VPS35L: variants seen among roughly 807,000 people sequenced by gnomAD.
VPS35L encodes the protein VPS35 endosomal protein sorting factor like, also known as VPS35 endosomal protein-sorting factor-like.
Under a neutral mutation model 133.0 loss-of-function variants are expected in VPS35L, and 83 were observed. That is an observed-to-expected ratio of 0.62 (90% CI 0.52 to 0.75). VPS35L has a LOEUF of 0.75. Ranked by LOEUF, VPS35L falls within the 30% of genes least tolerant of loss-of-function variation. The pLI, the probability that VPS35L is intolerant of heterozygous loss-of-function variation, is 0.00. For synonymous variants in VPS35L, 423 were observed against 449.9 expected (o/e 0.94, Z 0.76); for missense variants, 1,083 against 1,206.8 (o/e 0.90, Z 1.52).
At chr16:19,662,046 C>G (rs200733173) in intron 26 of VPS35L, among the ~76,000 whole-genome samples, 5 of 149,474 alleles carry the variant, frequency 3.3e-5, no homozygotes, top group Non-Finnish European at 4.4e-5. Flanking sequence ...TTAAAAAAAA[C>G]TTAAAAAATC....
intron 27 of VPS35L, among the ~76,000 whole-genome samples, chr16:19,677,536 G>A (rs1489664313): frequency 6.6e-6 from 1 of 152,204 alleles, no homozygotes; most frequent in Non-Finnish European, 1.5e-5. Flanking sequence ...ATGGGGAGAG[G>A]AGAGGGCATT....
intron 21 of VPS35L, 139 bp from the exon 22 acceptor site, chr16:19,642,257 A>G (rs1973810025): frequency 3.1e-6 from 2 of 638,550 alleles, no homozygotes; most frequent in African/African-American, 1.8e-5. Flanking sequence ...ATGGCTCGTT[A>G]CTGGTAAACT....
At chr16:19,663,669 C>CTTTTTTTTTTTTTTTTT (rs59826351) in intron 26 of VPS35L, among the ~76,000 whole-genome samples, 1 of 63,914 alleles carries the variant, frequency 1.6e-5, no homozygotes, top group East Asian at 5.0e-4. Flanking sequence ...GCAGTAATTT[C>CTTTTTTTTTTTTTTTTT]TTTTTTTTTT....
chr16:19,666,908 CTTTCTTTCTTT>C (rs1974692138), intron 26 of VPS35L, among the ~76,000 whole-genome samples: 3 of 82,768 alleles, frequency 3.6e-5, no homozygotes, highest in South Asian at 3.8e-4. Context: ...TTCTTTCTTT[CTTTCTTTCTTT>C]CTTTCTTTCT....
intron 24 of VPS35L, among the ~76,000 whole-genome samples, chr16:19,649,436 G>A (rs955187757): frequency 3.3e-5 from 5 of 152,192 alleles, no homozygotes; most frequent in East Asian, 3.9e-4. Context: ...CTTGCACAGC[G>A]ATTAAACTTG....
chr16:19,605,370 G>A (rs1972508461), intron 9 of VPS35L, among the ~76,000 whole-genome samples: 1 of 152,182 alleles, frequency 6.6e-6, no homozygotes, highest in South Asian at 2.1e-4. Flanking sequence ...CCATGTAGCA[G>A]CCCAAGTGCT....
chr16:19,656,675 C>T (rs568777051), intron 26 of VPS35L, among the ~76,000 whole-genome samples: 32 of 151,980 alleles, frequency 2.1e-4, no homozygotes, highest in Non-Finnish European at 4.0e-4. Context: ...CTTGGCCCAC[C>T]GGCACATAGT....
chr16:19,688,264 T>C (rs927473678), intron 28 of VPS35L, among the ~76,000 whole-genome samples: 3 of 152,102 alleles, frequency 2.0e-5, no homozygotes, highest in Non-Finnish European at 2.9e-5. Flanking sequence ...GCACAGGCCC[T>C]ACTGTGTTTC....
chr16:19,695,318 CA>C (rs1297575034), intron 29 of VPS35L, among the ~76,000 whole-genome samples: 2 of 152,144 alleles, frequency 1.3e-5, no homozygotes, highest in Non-Finnish European at 2.9e-5. Flanking sequence ...CCCAAGCTTG[CA>C]AGAAAAATAA....
At chr16:19,574,798 A>G (rs1035162271) in intron 4 of VPS35L, among the ~76,000 whole-genome samples, 1 of 152,122 alleles carries the variant, frequency 6.6e-6, no homozygotes, top group Non-Finnish European at 1.5e-5. Flanking sequence ...AATCTCCCAC[A>G]AAAAGTTATC....
intron 16 of VPS35L, 101 bp from the exon 17 acceptor site, chr16:19,628,536 G>A: frequency 1.6e-6 from 1 of 607,758 alleles, no homozygotes; most frequent in Non-Finnish European, 2.8e-6. Flanking sequence ...TTAGCCCCAA[G>A]AAGGATTAAA....
intron 9 of VPS35L, among the ~76,000 whole-genome samples, chr16:19,602,768 A>G (rs894199219): frequency 2.6e-5 from 4 of 151,946 alleles, no homozygotes; most frequent in African/African-American, 9.7e-5. Flanking sequence ...ACACCTGGCT[A>G]ATTTTTGTAT....
At chr16:19,619,802 A>T (rs971818925) in intron 14 of VPS35L, among the ~76,000 whole-genome samples, 2 of 152,110 alleles carry the variant, frequency 1.3e-5, no homozygotes, top group Non-Finnish European at 2.9e-5. Context: ...AAAAATAGTC[A>T]TTTTCAAACT....
At chr16:19,567,906 G>A in intron 2 of VPS35L, among the ~76,000 whole-genome samples, 1 of 151,704 alleles carries the variant, frequency 6.6e-6, no homozygotes, top group Non-Finnish European at 1.5e-5. Context: ...GGATGTCGAG[G>A]GTACAGTGAA....
At chr16:19,646,646 CAG>C (rs1973959194) in intron 23 of VPS35L, among the ~76,000 whole-genome samples, 1 of 148,756 alleles carries the variant, frequency 6.7e-6, no homozygotes, top group Non-Finnish European at 1.5e-5. Flanking sequence ...GCCTGGGCAA[CAG>C]AGCAAAACTC....
chr16:19,607,972 C>T (rs771204900), intron 9 of VPS35L: 49 of 558,354 alleles, frequency 8.8e-5, no homozygotes, highest in Non-Finnish European at 1.4e-4. Context: ...GTCTGTAAAG[C>T]ACTGCGAACG....
intron 5 of VPS35L, among the ~76,000 whole-genome samples, chr16:19,577,916 C>G (rs114160126): frequency 0.023 from 3,477 of 152,268 alleles, 130 homozygotes; most frequent in African/African-American, 0.077. Context: ...TTTAGGACTG[C>G]GAGAAATACA....
chr16:19,621,241 C>T (rs1973070315), intron 14 of VPS35L, among the ~76,000 whole-genome samples: 2 of 152,130 alleles, frequency 1.3e-5, no homozygotes, highest in South Asian at 4.2e-4. Flanking sequence ...ATCCATAAAG[C>T]ACAGGCAGAA....
At chr16:19,656,981 T>C (rs1157526775) in intron 26 of VPS35L, among the ~76,000 whole-genome samples, 2 of 150,440 alleles carry the variant, frequency 1.3e-5, no homozygotes, top group African/African-American at 4.9e-5. Context: ...TTTTTTTTTT[T>C]TTGAGGCAGA....
Sources: gnomAD v4.1 joint callset for allele counts (sites outside exome capture counted in the v4.1 genomes callset) on GRCh38, gnomAD v4.1.1 for gene constraint, MANE v1.5 for transcripts, NCBI Gene and HGNC (gene_info 2026-07-23, HGNC 2026-07-21) for gene names.